MYOM1: variants seen among roughly 807,000 people sequenced by gnomAD.
The protein encoded by MYOM1 is myomesin 1.
In MYOM1, 164 loss-of-function variants were observed where a neutral mutation model predicts 205.3. The ratio of observed to expected loss-of-function variants is 0.80; its 90% CI spans 0.70 to 0.91. MYOM1 has a LOEUF of 0.91. MYOM1 is among the 40% of genes least tolerant of loss of function. The pLI is 0.00. For synonymous variants in MYOM1, 772 were observed against 789.4 expected (o/e 0.98, Z 0.37); for missense variants, 2,011 against 2,127.3 (o/e 0.95, Z 1.08).
In MYOM1 at chr18:3,168,876, C is replaced by T. The variant is rs775219046; in HGVS notation, c.1280G>A (p.Arg427His). Residue 427 changes from arginine to histidine, a missense_variant, in exon 9 of 38, where the codon CGT becomes CAT. Coordinates refer to ENST00000356443, the MANE Select transcript of MYOM1 (RefSeq NM_003803.4). ...REGETMSLGC[R>H]VVITPEIKHF... Reference sequence around the variant, plus strand: ...TTTAATTTCAGGAGTGATGACAACACGACAGCCTAGACTCATTGTCTCTCC... The same window carrying T: ...TTTAATTTCAGGAGTGATGACAACATGACAGCCTAGACTCATTGTCTCTCC... 2.2e-5 allele frequency: 35 copies of T among 1,613,768 alleles called. No homozygotes were observed. The highest frequency in any genetic ancestry group is 4.4e-5 in the South Asian group (4 of 91,076).
Position 3,075,093 on chromosome 18 carries a change from C to T in MYOM1, c.4708+361G>A, listed in dbSNP as rs533710066. On this transcript the variant is annotated intron_variant, in intron 36 of 37. Transcript: ENST00000356443. Reference sequence around the variant, plus strand: ...TGCAGGCGTGAGCCACCATGCCTGGCCCTTACAATGTTTCTTGTTGCTTCT... The same window carrying T: ...TGCAGGCGTGAGCCACCATGCCTGGTCCTTACAATGTTTCTTGTTGCTTCT... Among the ~76,000 whole-genome samples the T allele has an allele frequency of 1.7e-3, 264 of 152,266 alleles. 1 individual carries two copies. Among genetic ancestry groups the T allele is most frequent in the African/African-American group, 5.9e-3 (245 of 41,550 alleles).
intron 1 of MYOM1, among the ~76,000 whole-genome samples, chr18:3,218,872 A>C (rs1332003472): frequency 2.6e-5 from 4 of 152,120 alleles, no homozygotes; most frequent in Admixed American, 6.5e-5. Context: ...TATTTCTCCC[A>C]AATACATTTA....
chr18:3,115,384 C>G (rs548796946), intron 21 of MYOM1, among the ~76,000 whole-genome samples: 1 of 152,184 alleles, frequency 6.6e-6, no homozygotes, highest in East Asian at 1.9e-4. Flanking sequence ...CTGGAAATAC[C>G]CTAACCCTGG....
Position 3,135,798 on chromosome 18 carries a change from T to C in MYOM1, c.2026-68A>G, listed in dbSNP as rs2079950604. On this transcript the variant is annotated intron_variant, in intron 14 of 37. Transcript: ENST00000356443. The surrounding 1 kb of genome is among the most constrained non-coding windows in gnomAD (Gnocchi z 4.1). ...CAAGCGAGAATCCAGGCCAGGCAACTCCAAGTTTCATTCATCTGCAACAAA... is the reference window on the plus strand; with the variant it reads ...CAAGCGAGAATCCAGGCCAGGCAACCCCAAGTTTCATTCATCTGCAACAAA... 1.3e-5 allele frequency: 20 copies of C among 1,560,494 alleles called. No homozygotes were observed. In the South Asian group the frequency reaches 2.2e-4, roughly 17 times the overall value.
chr18:3,068,400 C>T (rs895699339), intron 37 of MYOM1, among the ~76,000 whole-genome samples: 1 of 151,710 alleles, frequency 6.6e-6, no homozygotes, highest in Non-Finnish European at 1.5e-5. Flanking sequence ...AATCCACCGA[C>T]CTTATTTAGA....
In MYOM1 at chr18:3,219,631, C is replaced by G. The variant is rs768628067; in HGVS notation, c.-29+172G>C. ...AGAGCTGTGCCAGCCCGACTGGCAC[C>G]CGGCTGTTCTGGTTTCCCTCCCTGG... On this transcript the variant is annotated intron_variant, in intron 1 of 37. Transcript: ENST00000356443. The surrounding 1 kb of genome is among the most constrained non-coding windows in gnomAD (Gnocchi z 4.4). Among the ~76,000 whole-genome samples, 2 of 152,110 alleles carry G rather than the reference C, an allele frequency of 1.3e-5. No homozygotes were observed. The highest frequency in any genetic ancestry group is 4.8e-5 in the African/African-American group (2 of 41,400).
intron 10 of MYOM1, among the ~76,000 whole-genome samples, chr18:3,156,383 C>T (rs1219123342): frequency 6.6e-6 from 1 of 152,230 alleles, no homozygotes; most frequent in Admixed American, 6.5e-5. Flanking sequence ...TATCTGTCTA[C>T]TTCTGCATTT....
Position 3,179,028 on chromosome 18 carries a change from C to T in MYOM1, c.930-2894G>A, listed in dbSNP as rs1374576211. On this transcript the variant is annotated intron_variant, in intron 5 of 37. Coordinates refer to ENST00000356443, the MANE Select transcript of MYOM1 (RefSeq NM_003803.4). The surrounding 1 kb of genome is among the most constrained non-coding windows in gnomAD (Gnocchi z 4.4). Reference sequence around the variant, plus strand: ...GACTACAAGTGTGCACCACCACACTCAGCTAATTTTTTCTATTTTTTGTAG... The same window carrying T: ...GACTACAAGTGTGCACCACCACACTTAGCTAATTTTTTCTATTTTTTGTAG... 2.0e-5 allele frequency among the ~76,000 whole-genome samples: 3 copies of T among 152,226 alleles called. No individual in the cohort carries two copies. The highest frequency in any genetic ancestry group is 2.9e-5 in the Non-Finnish European group (2 of 68,016).
intron 13 of MYOM1, among the ~76,000 whole-genome samples, chr18:3,147,187 TCTAA>T (rs992613796): frequency 8.1e-5 from 12 of 147,534 alleles, no homozygotes; most frequent in Non-Finnish European, 9.0e-5. Context: ...AGTCAGATAC[TCTAA>T]CTTTTTGTCA....
At chr18:3,193,355 T>TACACACACACACAC (rs568716182) in intron 3 of MYOM1, among the ~76,000 whole-genome samples, 10 of 99,782 alleles carry the variant, frequency 1.0e-4, no homozygotes, top group Non-Finnish European at 2.3e-4. Flanking sequence ...TACATATATA[T>TACACACACACACAC]ATATATACAC....
At chr18:3,123,064 C>A (rs2079720846) in intron 19 of MYOM1, among the ~76,000 whole-genome samples, 1 of 152,136 alleles carries the variant, frequency 6.6e-6, no homozygotes, top group African/African-American at 2.4e-5. Flanking sequence ...CGGGTTGAAG[C>A]AATCCACCGC....
chr18:3,104,924 T>C (rs11662080), intron 22 of MYOM1, among the ~76,000 whole-genome samples: 15,330 of 147,966 alleles, frequency 0.1, 1,062 homozygotes, highest in Middle Eastern at 0.21. Context: ...TTTTTTTGCA[T>C]TTTTTGTAGG....
chr18:3,199,309 G>A (rs4797102), intron 2 of MYOM1, among the ~76,000 whole-genome samples: 27,314 of 152,156 alleles, frequency 0.18, 2,541 homozygotes, highest in East Asian at 0.22. Context: ...GCTAGCCTGA[G>A]GTTACAGTCA....
chr18:3,244,020 T>C, the MYOM1 span, among the ~76,000 whole-genome samples: 2 of 152,118 alleles, frequency 1.3e-5, no homozygotes, highest in Non-Finnish European at 2.9e-5. Context: ...AAATATTGAG[T>C]TTCCAAATGA....
At chr18:3,073,137 TAG>T (rs1417630445) in intron 36 of MYOM1, among the ~76,000 whole-genome samples, 2 of 152,120 alleles carry the variant, frequency 1.3e-5, no homozygotes, top group Non-Finnish European at 2.9e-5. Context: ...AAGCCTTCTC[TAG>T]AGAGTGTCCC....
chr18:3,092,436 C>T (rs1167183001), intron 26 of MYOM1, among the ~76,000 whole-genome samples: 2 of 151,632 alleles, frequency 1.3e-5, no homozygotes, highest in African/African-American at 4.8e-5. Flanking sequence ...CAAGTAATTC[C>T]CCTGCCTTGG....
At chr18:3,178,258 C>T (rs970515408) in intron 5 of MYOM1, among the ~76,000 whole-genome samples, 4 of 152,152 alleles carry the variant, frequency 2.6e-5, no homozygotes, top group African/African-American at 9.7e-5. Flanking sequence ...TTGGTAAGTT[C>T]AGTTCTCACA....
rs1379854356 is a variant in MYOM1 at position 3,075,719 on chromosome 18, A to T, written c.4685+6T>A. On this transcript the variant is annotated splice_donor_region_variant and intron_variant, in intron 35 of 37. Transcript: ENST00000356443. ...CAAGTGGCATTTGCTAGGACCAGGG[A>T]CTTACTTCAACCTCTGGAATTCAGC... is the stretch of plus-strand genomic sequence containing the variant. The T allele has an allele frequency of 6.2e-7, 1 of 1,600,938 alleles. No homozygotes were observed. The highest frequency in any genetic ancestry group is 1.7e-5 in the Admixed American group (1 of 58,380).
the MYOM1 span, among the ~76,000 whole-genome samples, chr18:3,236,101 C>G: frequency 6.6e-6 from 1 of 152,162 alleles, no homozygotes; most frequent in African/African-American, 2.4e-5. Context: ...AAGCACTGGG[C>G]TTTTACTCTG....
Sources: gnomAD v4.1 joint callset for allele counts (sites outside exome capture counted in the v4.1 genomes callset) on GRCh38, gnomAD v4.1.1 for gene constraint, Gnocchi (gnomAD v3.1) non-coding constraint, MANE v1.5 for transcripts, NCBI Gene and HGNC (gene_info 2026-07-23, HGNC 2026-07-21) for gene names.